PTGFRN: variants seen among roughly 807,000 people sequenced by gnomAD.
PTGFRN encodes prostaglandin F2 receptor negative regulator.
PTGFRN carries 35 observed loss-of-function variants against 83.2 expected under a neutral mutation model. That is an observed-to-expected ratio of 0.42 (90% CI 0.32 to 0.56). The LOEUF (loss-of-function observed/expected upper bound fraction) is 0.56, where lower values mean the gene tolerates loss of function less well. Among genes scored for constraint, PTGFRN ranks in the 20% least tolerant of loss-of-function variants. The pLI, the probability that PTGFRN is intolerant of heterozygous loss-of-function variation, is 0.11. For missense variants in PTGFRN, 1,051 were observed against 1,179.5 expected (o/e 0.89, Z 1.60); for synonymous variants, 519 against 498.6 (o/e 1.04, Z -0.55).
intron 6 of PTGFRN, among the ~76,000 whole-genome samples, chr1:116,972,910 A>G (rs764124697): frequency 2.0e-5 from 3 of 152,184 alleles, no homozygotes; most frequent in Non-Finnish European, 4.4e-5. Flanking sequence ...CAGTTTGGGT[A>G]GGGTTTTTTT....
rs746625010 is a variant in PTGFRN at position 116,966,928 on chromosome 1, A to C, written c.1657A>C (p.Lys553Gln). ...WALEDSVLVV[K>Q]ARQPKPFFAA... ...CATTCCAGATTCCGTGCTTGTGGTG[A>C]AGGCGAGGCAGCCAAAGCCTTTCTT... Residue 553 changes from lysine to glutamine, a missense_variant, in exon 6 of 9, where the codon AAG (lysine) becomes CAG (glutamine). Coordinates refer to ENST00000393203, the MANE Select transcript of PTGFRN (RefSeq NM_020440.4). The C allele has an allele frequency of 1.2e-5, 19 of 1,600,398 alleles. No homozygotes were observed. The highest frequency in any genetic ancestry group is 1.7e-4 in the Middle Eastern group (1 of 6,044).
At chr1:116,947,754 G>A (rs1650237503) in intron 3 of PTGFRN, among the ~76,000 whole-genome samples, 1 of 152,186 alleles carries the variant, frequency 6.6e-6, no homozygotes, top group Non-Finnish European at 1.5e-5. Flanking sequence ...CTGTAGAATG[G>A]TTCAAACTGC....
intron 1 of PTGFRN, among the ~76,000 whole-genome samples, chr1:116,921,315 T>C (rs1649531319): frequency 6.6e-6 from 1 of 152,248 alleles, no homozygotes; most frequent in South Asian, 2.1e-4. Flanking sequence ...TGTACACTAC[T>C]TTGCTTATGT....
In PTGFRN at chr1:116,910,252, G is replaced by A. The variant is rs1161075215; in HGVS notation, c.49G>A (p.Ala17Thr). ...GCTGCTGCTGGCGCTCCTGTCGTTG[G>A]GTGAGTGTGCGCGGGGCTCAGCGGG... ...RPLLLALLSL[A>T]LCRGRVVRVP... The change falls in exon 1 of 9, where the codon GCT becomes ACT. Residue 17 changes from alanine (A) to threonine (T), a missense_variant and splice_region_variant. Ala to Thr is a moderately conservative substitution (Grantham distance 58, BLOSUM62 0). This residue lies in a region of PTGFRN where 127 missense variants were observed against 168.4 expected (regional missense o/e 0.75). Coordinates refer to ENST00000393203, the MANE Select transcript of PTGFRN (RefSeq NM_020440.4). 6.9e-7 allele frequency: 1 copy of A among 1,444,648 alleles called. No homozygotes were observed. Among genetic ancestry groups the A allele is most frequent in the Non-Finnish European group, 9.0e-7 (1 of 1,105,646 alleles). The allele number at this position is 1,444,648 out of a possible 1,614,324, so 89.5% of individuals were successfully genotyped here.
intron 4 of PTGFRN, among the ~76,000 whole-genome samples, chr1:116,950,052 C>G (rs966047468): frequency 6.6e-6 from 1 of 152,028 alleles, no homozygotes; most frequent in Non-Finnish European, 1.5e-5. Context: ...TCTGTATATA[C>G]CACTTACAAC....
In PTGFRN at chr1:116,949,242, C is replaced by G; in HGVS notation, c.883C>G (p.Leu295Val). 1.1e-5 allele frequency: 17 copies of G among 1,612,176 alleles called. No individual in the cohort carries two copies. Among genetic ancestry groups the G allele is most frequent in the Non-Finnish European group, 1.4e-5 (17 of 1,178,564 alleles). ...TGTGTCTGTGGCTGAAGGAAAGGAA[C>G]TGGACCTGACCTGTAACATCACAAC... ...KNVSVAEGKE[L>V]DLTCNITTDR... is the part of the protein sequence containing the mutation. The change falls in exon 4 of 9, where the codon CTG becomes GTG. Residue 295 changes from leucine (L) to valine (V), a missense_variant. Transcript: ENST00000393203.
intron 1 of PTGFRN, among the ~76,000 whole-genome samples, chr1:116,930,841 C>G (rs147958072): frequency 1.3e-5 from 2 of 152,282 alleles, no homozygotes; most frequent in East Asian, 3.9e-4. Context: ...CCCTTTAGGT[C>G]TTTGCTTATG....
At chr1:116,915,969 A>G (rs1014272337) in intron 1 of PTGFRN, among the ~76,000 whole-genome samples, 6 of 152,146 alleles carry the variant, frequency 3.9e-5, no homozygotes, top group Admixed American at 2.0e-4. Flanking sequence ...ATCTTGGACT[A>G]TTTCTCCCCA....
chr1:116,987,111 G>T lies in PTGFRN; in HGVS notation c.*144G>T, dbSNP rs1253991850. 2 of 935,404 alleles carry T rather than the reference G, an allele frequency of 2.1e-6. No homozygotes were observed. The highest frequency in any genetic ancestry group is 2.7e-5 in the Admixed American group (1 of 37,594). The allele number at this position is 935,404 out of a possible 1,614,324, so 57.9% of individuals were successfully genotyped here. On this transcript the variant is annotated 3_prime_UTR_variant, in exon 9 of 9. Coordinates refer to ENST00000393203, the MANE Select transcript of PTGFRN (RefSeq NM_020440.4). ...TGGGACTTGGCGCTCTCTCTTTTCT[G>T]CATGTCAAGTTCTGAGCGCGGACAT...
At chr1:116,932,031 C>T (rs1649815648) in intron 1 of PTGFRN, among the ~76,000 whole-genome samples, 1 of 152,160 alleles carries the variant, frequency 6.6e-6, no homozygotes, top group African/African-American at 2.4e-5. Flanking sequence ...TTGTTTGCTT[C>T]TAGGCAGCTC....
Position 116,958,704 on chromosome 1 carries a change from G to A in PTGFRN, c.1214-2539G>A, listed in dbSNP as rs1335131288. Among the ~76,000 whole-genome samples, 4 of 152,162 alleles carry A rather than the reference G, an allele frequency of 2.6e-5. No individual in the cohort carries two copies. Among genetic ancestry groups the A allele is most frequent in the Non-Finnish European group, 4.4e-5 (3 of 68,028 alleles). ...CTGTCATCCCCATTTGTATGGGTGA[G>A]GCACCAGAGATCTGAGTAATCTACC... On this transcript the variant is annotated intron_variant, in intron 4 of 8. Coordinates refer to ENST00000393203, the MANE Select transcript of PTGFRN (RefSeq NM_020440.4). This position sits in a 1 kb window ranked among gnomAD's most constrained non-coding sequence, Gnocchi z 4.9.
Position 116,965,455 on chromosome 1 carries a change from A to T in PTGFRN, c.1640-1456A>T, listed in dbSNP as rs1347421126. Among the ~76,000 whole-genome samples the T allele has an allele frequency of 2.6e-5, 4 of 151,744 alleles. 1 individual carries two copies. Among genetic ancestry groups the T allele is most frequent in the Admixed American group, 2.0e-4 (3 of 15,232 alleles). ...TGCTCTGTGCCTGGCTAATTATTTA[A>T]TTTTATTTTTAGAGGCACGGGGTTT... On this transcript the variant is annotated intron_variant, in intron 5 of 8. Transcript: ENST00000393203.
At chr1:116,932,159 C>A (rs777058372) in intron 1 of PTGFRN, among the ~76,000 whole-genome samples, 1 of 152,128 alleles carries the variant, frequency 6.6e-6, no homozygotes, top group Non-Finnish European at 1.5e-5. Flanking sequence ...GAAATAAAAT[C>A]CATTTCCCAT....
At position 116,944,686 on chromosome 1, in the gene PTGFRN, C is replaced by G. The variant is rs889845385; in HGVS notation, c.426C>G (p.Ala142=). ...YEDTVQVKVL[A]DSLHVGPSAR... Reference sequence around the variant, plus strand: ...AGCTTTCTCTCTCCGCAGTGCTGGCCGACTCCCTGCACGTGGGCCCCAGCG... The same window carrying G: ...AGCTTTCTCTCTCCGCAGTGCTGGCGGACTCCCTGCACGTGGGCCCCAGCG... The change falls in exon 3 of 9, where the codon GCC becomes GCG. Residue 142 remains alanine, a synonymous_variant. Transcript: ENST00000393203. 3 of 1,425,614 alleles carry G rather than the reference C, an allele frequency of 2.1e-6. No individual in the cohort carries two copies. Among genetic ancestry groups the G allele is most frequent in the East Asian group, 5.5e-5 (2 of 36,376 alleles). 88.3% of individuals were successfully genotyped at this position (1,425,614 alleles called of 1,614,324 possible).
At chr1:116,927,636 C>T (rs1250810724) in intron 1 of PTGFRN, among the ~76,000 whole-genome samples, 1 of 151,400 alleles carries the variant, frequency 6.6e-6, no homozygotes, top group Admixed American at 6.6e-5. Context: ...CAGGCTCAAG[C>T]CATCTTCCTG....
At chr1:116,956,646 G>A (rs1321570192) in intron 4 of PTGFRN, among the ~76,000 whole-genome samples, 1 of 152,200 alleles carries the variant, frequency 6.6e-6, no homozygotes, top group African/African-American at 2.4e-5. Context: ...GCTGCGGCTG[G>A]GTGCACGCAG....
At chr1:116,976,051 A>G (rs1362442899) in intron 7 of PTGFRN, among the ~76,000 whole-genome samples, 3 of 152,246 alleles carry the variant, frequency 2.0e-5, no homozygotes, top group African/African-American at 4.8e-5. Context: ...GCTGAAAACC[A>G]TGGCATGAGA....
intron 8 of PTGFRN, among the ~76,000 whole-genome samples, chr1:116,985,526 G>A (rs1271104372): frequency 1.3e-5 from 2 of 151,880 alleles, no homozygotes; most frequent in Non-Finnish European, 2.9e-5. Flanking sequence ...GTGAAACCCC[G>A]TCTCTACTAA....
intron 1 of PTGFRN, among the ~76,000 whole-genome samples, chr1:116,917,459 C>T (rs891059574): frequency 6.6e-6 from 1 of 152,076 alleles, no homozygotes; most frequent in Admixed American, 6.5e-5. Flanking sequence ...AATAGAAGCC[C>T]TAGCCTTGAA....
Sources: gnomAD v4.1 joint callset for allele counts (sites outside exome capture counted in the v4.1 genomes callset) on GRCh38, gnomAD v4.1.1 for gene constraint, gnomAD v4.1.1 regional missense constraint, Gnocchi (gnomAD v3.1) non-coding constraint, MANE v1.5 for transcripts, NCBI Gene and HGNC (gene_info 2026-07-23, HGNC 2026-07-21) for gene names.